Variants in SIK2 observed in about 807,000 individuals in gnomAD.
SIK2 encodes serine/threonine-protein kinase SIK2.
SIK2 carries 29 observed loss-of-function variants against 103.2 expected under a neutral mutation model. The ratio of observed to expected loss-of-function variants is 0.28; its 90% CI spans 0.21 to 0.38. The LOEUF (loss-of-function observed/expected upper bound fraction) is 0.38, where lower values mean the gene tolerates loss of function less well. Ranked by LOEUF, SIK2 falls within the 10% of genes least tolerant of loss-of-function variation. The probability of loss-of-function intolerance (pLI) is 1.00; values close to 1 mark genes in which losing one functional copy is unlikely to be tolerated. For missense variants in SIK2, 879 were observed against 1,171.0 expected, an observed-to-expected ratio of 0.75 and a Z score of 3.64; for synonymous variants, 412 against 446.1, an observed-to-expected ratio of 0.92 and a Z score of 0.96.
intron 1 of SIK2, among the ~76,000 whole-genome samples, chr11:111,610,327 TA>T (rs1209528176): frequency 6.6e-6 from 1 of 151,866 alleles, no homozygotes; most frequent in Non-Finnish European, 1.5e-5. Flanking sequence ...CCATCTCTAC[TA>T]AAAATACAGA....
intron 3 of SIK2, among the ~76,000 whole-genome samples, chr11:111,639,056 T>C (rs891006111): frequency 3.9e-5 from 6 of 152,192 alleles, no homozygotes; most frequent in Non-Finnish European, 5.9e-5. Flanking sequence ...CCTATGCTAG[T>C]TGTGGTCCTT....
intron 1 of SIK2, among the ~76,000 whole-genome samples, chr11:111,615,778 T>C (rs998414539): frequency 5.9e-5 from 9 of 152,212 alleles, no homozygotes; most frequent in Non-Finnish European, 1.2e-4. Context: ...ATATTCAGCT[T>C]TTTGTCTGTA....
chr11:111,672,204 C>A, intron 3 of SIK2: 1 of 399,784 alleles, frequency 2.5e-6, no homozygotes, highest in South Asian at 2.3e-5. Context: ...TGATGCCCCC[C>A]CATACCACTG....
rs1469668449 is a variant in SIK2, at chr11:111,730,272, G to A, written c.*6143G>A. 2 of 152,232 alleles carry A rather than the reference G, an allele frequency of 1.3e-5. No individual in the cohort carries two copies. Among genetic ancestry groups the A allele is most frequent in the Admixed American group, 6.5e-5 (1 of 15,284 alleles). 9.4% of individuals were successfully genotyped at this position (152,232 alleles called of 1,614,324 possible). ...CATTCCCCAGTGCAGATAATGGGCT[G>A]CTGCTGGCTCTGTGGTGTCTGTCTG... On this transcript the variant is annotated 3_prime_UTR_variant, in exon 15 of 15. Transcript: ENST00000304987.
intron 3 of SIK2, among the ~76,000 whole-genome samples, chr11:111,673,973 C>T (rs778197551): frequency 4.3e-4 from 65 of 151,560 alleles, no homozygotes; most frequent in Non-Finnish European, 8.4e-4. Context: ...ACTCGGGAGG[C>T]TGAGGCAGGA....
chr11:111,614,048 G>A (rs1565307760), intron 1 of SIK2, among the ~76,000 whole-genome samples: 1 of 151,136 alleles, frequency 6.6e-6, no homozygotes, highest in African/African-American at 2.4e-5. Context: ...CCCCCCTCGG[G>A]GGTCAGTTGA....
chr11:111,718,440 A>T (rs371599422), intron 9 of SIK2, among the ~76,000 whole-genome samples: 47 of 152,302 alleles, frequency 3.1e-4, no homozygotes, highest in African/African-American at 1.1e-3. Context: ...GCCAGTGTGG[A>T]AAGGAAGCAT....
chr11:111,620,820 A>T (rs554039332), intron 3 of SIK2, among the ~76,000 whole-genome samples: 79 of 152,316 alleles, frequency 5.2e-4, no homozygotes, highest in Non-Finnish European at 1.0e-3. Flanking sequence ...GTTATTGTGG[A>T]TCTTACAGTT....
At position 111,727,145 on chromosome 11, in the gene SIK2, T is replaced by G. The variant is rs949948267; in HGVS notation, c.*3016T>G. 38 of 1,102,800 alleles carry G rather than the reference T, an allele frequency of 3.4e-5. No homozygotes were observed. Among genetic ancestry groups the G allele is most frequent in the Non-Finnish European group, 4.8e-5 (35 of 729,190 alleles). 68.3% of individuals were successfully genotyped at this position (1,102,800 alleles called of 1,614,324 possible). On this transcript the variant is annotated 3_prime_UTR_variant, in exon 15 of 15. Transcript: ENST00000304987. The stretch of plus-strand genomic sequence containing the variant: ...ACACTGACCGTCCCCAGCTGCCCCC[T>G]CGCCACCTCTGCCTGCACTGCCTTC...
chr11:111,719,914 C>T lies in SIK2; in HGVS notation c.1406C>T (p.Ala469Val). 6.2e-7 allele frequency: 1 copy of T among 1,614,122 alleles called. No homozygotes were observed. Among genetic ancestry groups the T allele is most frequent in the Non-Finnish European group, 8.5e-7 (1 of 1,180,028 alleles). Residue 469 changes from alanine (A) to valine (V), a missense_variant, in exon 10 of 15, where the codon GCC becomes GTC. Transcript: ENST00000304987. The stretch of plus-strand genomic sequence containing the variant: ...GAGGCCGAGGAAGACCCCGCTCATG[C>T]CTTTGAGGCATTTCAGTCCACACGC... ...EGEAEEDPAH[A>V]FEAFQSTRSG... is the part of the protein sequence containing the mutation.
chr11:111,606,676 C>A (rs1049952705), intron 1 of SIK2, among the ~76,000 whole-genome samples: 1 of 152,020 alleles, frequency 6.6e-6, no homozygotes, highest in Non-Finnish European at 1.5e-5. Context: ...ACTGAGTGTG[C>A]ATTTTACATT....
Position 111,720,899 on chromosome 11 carries a change from G to T in SIK2, c.1781G>T (p.Gly594Val). ...RRASDTSLTQGIVAFRQHLQN... is the reference protein window; with the variant it reads ...RRASDTSLTQVIVAFRQHLQN... ...GTTTGGTCTTGGTGCTTTCTTTCAG[G>T]AATTGTAGCATTTAGACAACATCTT... The change falls in exon 12 of 15, where the codon GGA (glycine) becomes GTA (valine). Residue 594 changes from glycine (G) to valine (V), a missense_variant and splice_region_variant. Gly to Val is a moderately radical substitution (Grantham distance 109). This residue lies in a region of SIK2 where 375 missense variants were observed against 416.3 expected (regional missense o/e 0.90). Coordinates refer to ENST00000304987, the MANE Select transcript of SIK2 (RefSeq NM_015191.3). The T allele has an allele frequency of 6.2e-7, 1 of 1,613,352 alleles. No individual in the cohort carries two copies. The highest frequency in any genetic ancestry group is 1.1e-5 in the South Asian group (1 of 90,820).
At chr11:111,632,375 G>T (rs917194731) in intron 3 of SIK2, among the ~76,000 whole-genome samples, 6 of 151,986 alleles carry the variant, frequency 3.9e-5, no homozygotes, top group Non-Finnish European at 7.4e-5. Flanking sequence ...CTTGCTTTTG[G>T]GGTAAAGTCC....
chr11:111,664,117 A>C (rs1229702485), intron 3 of SIK2, among the ~76,000 whole-genome samples: 1 of 152,194 alleles, frequency 6.6e-6, no homozygotes. Flanking sequence ...TAAGAAATGA[A>C]ATCAAAATTT....
At chr11:111,638,940 TTTG>T (rs1187483481) in intron 3 of SIK2, among the ~76,000 whole-genome samples, 1 of 152,146 alleles carries the variant, frequency 6.6e-6, no homozygotes, top group Non-Finnish European at 1.5e-5. Flanking sequence ...GTTTCTGGAT[TTTG>T]TTATCTTCCT....
intron 3 of SIK2, chr11:111,672,322 C>A: frequency 2.3e-6 from 1 of 430,132 alleles, no homozygotes; most frequent in Non-Finnish European, 4.1e-6. Context: ...GGCACCAGGC[C>A]TGCTCGTGGA....
chr11:111,654,702 G>A (rs1363394478), intron 3 of SIK2, among the ~76,000 whole-genome samples: 2 of 152,180 alleles, frequency 1.3e-5, no homozygotes, highest in African/African-American at 2.4e-5. Context: ...CTAAATACAA[G>A]TGAGAATTGT....
At chr11:111,605,066 G>C (rs1436261615) in intron 1 of SIK2, among the ~76,000 whole-genome samples, 1 of 151,574 alleles carries the variant, frequency 6.6e-6, no homozygotes, top group Admixed American at 6.6e-5. Flanking sequence ...GGGTTCGAGC[G>C]ATTCTCCTGC....
intron 3 of SIK2, among the ~76,000 whole-genome samples, chr11:111,677,520 C>T (rs979399264): frequency 2.6e-5 from 4 of 151,478 alleles, no homozygotes; most frequent in East Asian, 3.9e-4. Context: ...CAGGTTCATG[C>T]GATTCTCCTA....
Sources: allele counts gnomAD v4.1 joint callset (sites outside exome capture counted in the v4.1 genomes callset), GRCh38; gene constraint gnomAD v4.1.1; regional missense constraint gnomAD v4.1.1; transcripts MANE v1.5; gene names NCBI Gene and HGNC (gene_info 2026-07-23, HGNC 2026-07-21).